Variants in CNTNAP2 observed in about 807,000 individuals in gnomAD.
CNTNAP2 encodes contactin-associated protein-like 2.
A neutral mutation model predicts 155.2 loss-of-function variants in CNTNAP2; 98 were observed. That is an observed-to-expected ratio of 0.63 (90% confidence interval 0.54 to 0.75). The LOEUF (loss-of-function observed/expected upper bound fraction) is 0.75, where lower values mean the gene tolerates loss of function less well. CNTNAP2 is among the 30% of genes least tolerant of loss of function. The probability of loss-of-function intolerance (pLI) is 0.00; values close to 1 mark genes in which losing one functional copy is unlikely to be tolerated. For missense variants in CNTNAP2, 1,727 were observed against 1,688.1 expected (o/e 1.02, Z -0.40); for synonymous variants, 651 against 631.2 (o/e 1.03, Z -0.47).
At chr7:147,509,963 T>G (rs529524474) in intron 11 of CNTNAP2, among the ~76,000 whole-genome samples, 72 of 152,166 alleles carry the variant, frequency 4.7e-4, no homozygotes, top group Non-Finnish European at 9.1e-4. Context: ...TCTAAATCGG[T>G]GATTCTTAAA....
At chr7:148,044,236 CG>C (rs1802731743) in intron 15 of CNTNAP2, among the ~76,000 whole-genome samples, 1 of 144,616 alleles carries the variant, frequency 6.9e-6, no homozygotes, top group African/African-American at 2.6e-5. Context: ...AATTTAGTCT[CG>C]GGGTCTCCGT....
At chr7:146,412,135 C>A (rs1230481695) in intron 1 of CNTNAP2, among the ~76,000 whole-genome samples, 1 of 151,996 alleles carries the variant, frequency 6.6e-6, no homozygotes, top group Non-Finnish European at 1.5e-5. Flanking sequence ...GCCCGGCCAA[C>A]ATTGTTATTT....
In CNTNAP2 at chr7:147,132,313, G is replaced by A. The variant is rs983846593; in HGVS notation, c.1152G>A (p.Leu384=). Residue 384 remains leucine, a synonymous_variant, in exon 8 of 24, where the codon CTG becomes CTA. Coordinates refer to ENST00000361727, the MANE Select transcript of CNTNAP2 (RefSeq NM_014141.6). Reference sequence around the variant, plus strand: ...TCTTTTTCAACGCTACAAGTTACCTGGAGGTGCCCGGACGGCTTAACCAGG... The same window carrying A: ...TCTTTTTCAACGCTACAAGTTACCTAGAGGTGCCCGGACGGCTTAACCAGG... ...VPVFFNATSY[L]EVPGRLNQDL... The A allele has an allele frequency of 7.4e-6, 12 of 1,613,730 alleles. No individual in the cohort carries two copies. Among genetic ancestry groups the A allele is most frequent in the Non-Finnish European group, 1.0e-5 (12 of 1,179,800 alleles).
chr7:147,410,405 G>A (rs569379415), intron 10 of CNTNAP2, among the ~76,000 whole-genome samples: 7 of 152,160 alleles, frequency 4.6e-5, no homozygotes, highest in Admixed American at 3.3e-4. Flanking sequence ...AAGGATGGGA[G>A]GAGGGAGAGG....
At chr7:147,325,777 G>A (rs1471846384) in intron 9 of CNTNAP2, among the ~76,000 whole-genome samples, 1 of 152,160 alleles carries the variant, frequency 6.6e-6, no homozygotes, top group Non-Finnish European at 1.5e-5. Context: ...ACAGTTTGGT[G>A]ACATTAGGTA....
At chr7:147,180,101 G>A (rs1802423968) in intron 8 of CNTNAP2, among the ~76,000 whole-genome samples, 1 of 152,116 alleles carries the variant, frequency 6.6e-6, no homozygotes, top group South Asian at 2.1e-4. Flanking sequence ...GGAGGCAGGT[G>A]CCATGGACTA....
intron 3 of CNTNAP2, among the ~76,000 whole-genome samples, chr7:146,874,055 G>A (rs556549943): frequency 3.5e-4 from 53 of 152,102 alleles, no homozygotes; most frequent in African/African-American, 1.3e-3. Flanking sequence ...GTTTATTGGT[G>A]AAGGATCAAT....
At chr7:147,570,070 C>T (rs1372446960) in intron 12 of CNTNAP2, among the ~76,000 whole-genome samples, 1 of 152,232 alleles carries the variant, frequency 6.6e-6, no homozygotes, top group Non-Finnish European at 1.5e-5. Flanking sequence ...CTCTGACTCG[C>T]TTTCCAGCGC....
intron 8 of CNTNAP2, among the ~76,000 whole-genome samples, chr7:147,255,468 C>A (rs112910465): frequency 0.15 from 22,735 of 151,782 alleles, 1,813 homozygotes; most frequent in Middle Eastern, 0.19. Context: ...GTGATCTGCC[C>A]GCCTTGGCCT....
intron 4 of CNTNAP2, among the ~76,000 whole-genome samples, chr7:147,076,371 C>T (rs538013524): frequency 4.7e-4 from 72 of 152,166 alleles, no homozygotes; most frequent in African/African-American, 1.3e-3. Flanking sequence ...TTTGCATTTC[C>T]CCGATGGCCA....
chr7:146,865,592 A>G (rs1265049436), intron 3 of CNTNAP2, among the ~76,000 whole-genome samples: 3 of 152,164 alleles, frequency 2.0e-5, no homozygotes, highest in Non-Finnish European at 4.4e-5. Flanking sequence ...AATGATATCC[A>G]TATGGAGAAA....
At chr7:146,553,216 T>A (rs2129143058) in intron 1 of CNTNAP2, among the ~76,000 whole-genome samples, 1 of 152,242 alleles carries the variant, frequency 6.6e-6, no homozygotes, top group South Asian at 2.1e-4. Flanking sequence ...TTTGAAATAA[T>A]TCTAATTATA....
chr7:147,330,906 G>T (rs950069720), intron 9 of CNTNAP2, among the ~76,000 whole-genome samples: 2 of 152,116 alleles, frequency 1.3e-5, no homozygotes, highest in Non-Finnish European at 2.9e-5. Context: ...GGACATTATG[G>T]AAAGGTTAAA....
At chr7:147,016,206 G>A (rs1798720623) in intron 3 of CNTNAP2, among the ~76,000 whole-genome samples, 1 of 144,384 alleles carries the variant, frequency 6.9e-6, no homozygotes, top group Admixed American at 6.8e-5. Flanking sequence ...AAGCGCGGAA[G>A]AACCAGTGAG....
intron 1 of CNTNAP2, among the ~76,000 whole-genome samples, chr7:146,334,159 C>T (rs1288200090): frequency 6.6e-6 from 1 of 152,114 alleles, no homozygotes; most frequent in African/African-American, 2.4e-5. Flanking sequence ...TGGCCGGGCG[C>T]GGTGGCTCAC....
chr7:146,937,276 G>A (rs557517192), intron 3 of CNTNAP2, among the ~76,000 whole-genome samples: 14 of 151,348 alleles, frequency 9.3e-5, no homozygotes, highest in African/African-American at 3.4e-4. Context: ...CTGTAGTCCC[G>A]GGAGGTGGAG....
chr7:146,247,873 G>T (rs1799688028), intron 1 of CNTNAP2, among the ~76,000 whole-genome samples: 1 of 152,206 alleles, frequency 6.6e-6, no homozygotes, highest in Middle Eastern at 3.4e-3. Flanking sequence ...GAAAAGAGTA[G>T]AGACACGGAG....
chr7:147,687,928 A>G (rs1320974102), intron 13 of CNTNAP2, among the ~76,000 whole-genome samples: 1 of 152,162 alleles, frequency 6.6e-6, no homozygotes, highest in Non-Finnish European at 1.5e-5. Context: ...ATTGAGAATG[A>G]TTCTCATCCA....
intron 3 of CNTNAP2, among the ~76,000 whole-genome samples, chr7:147,035,044 A>G (rs945166679): frequency 1.3e-5 from 2 of 152,128 alleles, no homozygotes; most frequent in African/African-American, 2.4e-5. Flanking sequence ...CCCATATCGC[A>G]TTCTGTTTTG....
Sources: gnomAD v4.1 joint callset for allele counts (sites outside exome capture counted in the v4.1 genomes callset) on GRCh38, gnomAD v4.1.1 for gene constraint, MANE v1.5 for transcripts, NCBI Gene and HGNC (gene_info 2026-07-23, HGNC 2026-07-21) for gene names.